The following PDXK variants were observed in gnomAD, a reference collection of about 807,000 sequenced individuals.
The protein encoded by PDXK is epididymis secretory sperm binding protein Li 1a.
A neutral mutation model predicts 43.2 loss-of-function variants in PDXK; 15 were observed. The observed-to-expected ratio is 0.35, with a 90% CI of 0.23 to 0.53. PDXK has a LOEUF of 0.53. Among genes scored for constraint, PDXK ranks in the 20% least tolerant of loss-of-function variants. The pLI, the probability that PDXK is intolerant of heterozygous loss-of-function variation, is 0.92. For missense variants in PDXK, 343 were observed against 417.0 expected (o/e 0.82, Z 1.54); for synonymous variants, 172 against 165.4 (o/e 1.04, Z -0.31).
chr21:43,725,826 A>G (rs941080063), intron 1 of PDXK, among the ~76,000 whole-genome samples: 14 of 152,026 alleles, frequency 9.2e-5, no homozygotes, highest in Non-Finnish European at 1.0e-4. Context: ...AAAAAAAAAG[A>G]AAAGGAAAGG....
chr21:43,729,252 T>C (rs6518318), intron 1 of PDXK, among the ~76,000 whole-genome samples: 103,958 of 152,240 alleles, frequency 0.68, 35,832 homozygotes, highest in South Asian at 0.77. Flanking sequence ...AGTGGGTTTG[T>C]CAGAGGCCGG....
In PDXK at chr21:43,746,162, G is replaced by A. The variant is rs778919717; in HGVS notation, c.378+37G>A. 5.2e-6 allele frequency: 8 copies of A among 1,542,592 alleles called. No homozygotes were observed. The African/African-American group carries it at 5.4e-5, about 10-fold the overall frequency. ...CACGTGTGTGATTTAAAAGTGTGGTGAGTGGAGCTATTCCTGTCCAGCCAG... is the reference window on the plus strand; with the variant it reads ...CACGTGTGTGATTTAAAAGTGTGGTAAGTGGAGCTATTCCTGTCCAGCCAG... On this transcript the variant is annotated intron_variant, in intron 5 of 10. Transcript: ENST00000291565.
Position 43,737,098 on chromosome 21 carries a change from C to G in PDXK, c.142+2975C>G. 1 of 936,622 alleles carries G rather than the reference C, an allele frequency of 1.1e-6. No homozygotes were observed. 58.0% of individuals were successfully genotyped at this position (936,622 alleles called of 1,614,324 possible). A position where few individuals can be genotyped will look rare whatever the true frequency, so the allele number is the denominator to read the frequency against. The stretch of plus-strand genomic sequence containing the variant: ...TAGTTGTGCACCAGCACGCCCACCT[C>G]CTGCCCAGGGTTGTTACTGGGGTGG... On this transcript the variant is annotated intron_variant, in intron 2 of 10. Coordinates refer to ENST00000291565, the MANE Select transcript of PDXK (RefSeq NM_003681.5). This position sits in a 1 kb window ranked among gnomAD's most constrained non-coding sequence, Gnocchi z 4.8.
chr21:43,736,985 C>T (rs1233417706), intron 2 of PDXK: 8 of 701,260 alleles, frequency 1.1e-5, no homozygotes, highest in African/African-American at 3.5e-5. Flanking sequence ...CCCAGGCTGG[C>T]GTGAAGTGGC....
chr21:43,747,568 TC>T (rs1018597787), intron 5 of PDXK, among the ~76,000 whole-genome samples: 27 of 152,334 alleles, frequency 1.8e-4, no homozygotes, highest in Admixed American at 1.8e-3. Context: ...CCATGCTTGT[TC>T]TCTGGAAGGT....
intron 2 of PDXK, 68 bp from the exon 3 acceptor site, chr21:43,741,599 T>C (rs768742639): frequency 3.8e-6 from 6 of 1,587,524 alleles, no homozygotes; most frequent in Non-Finnish European, 5.1e-6. Context: ...TGGGCGGGTG[T>C]CAAGGGAAGC....
chr21:43,726,221 A>T (rs1478984745), intron 1 of PDXK, among the ~76,000 whole-genome samples: 2 of 150,864 alleles, frequency 1.3e-5, no homozygotes, highest in African/African-American at 4.9e-5. Flanking sequence ...TTTGGCTGTC[A>T]TGGAGAAAAA....
chr21:43,753,592 C>A lies in PDXK; in HGVS notation c.632C>A (p.Ala211Asp), dbSNP rs2083793649. ...VLGSQRRRNP[A>D]GSVVMERIRM... ...CATCTTCTCCCCCTAGGGAATCCCG[C>A]TGGCTCCGTGGTGATGGAACGCATC... Residue 211 changes from alanine (A) to aspartate (D), a missense_variant, in exon 9 of 11, where the codon GCT becomes GAT. Physicochemically the swap from Ala to Asp is moderately radical, Grantham distance 126. Transcript: ENST00000291565. The A allele has an allele frequency of 6.2e-7, 1 of 1,611,846 alleles. No individual in the cohort carries two copies. The highest frequency in any genetic ancestry group is 1.3e-5 in the African/African-American group (1 of 74,900).
chr21:43,741,166 G>A (rs1253735617), intron 2 of PDXK: 9 of 526 alleles, frequency 0.017, 1 homozygote, highest in South Asian at 0.1. Flanking sequence ...GGGGCTCGCG[G>A]GGGGGCTCGC....
intron 3 of PDXK, 167 bp from the exon 4 acceptor site, chr21:43,743,557 C>T: frequency 2.2e-6 from 1 of 445,278 alleles, no homozygotes. Flanking sequence ...CCTGCACCCA[C>T]CTCCCTCCCC....
intron 1 of PDXK, chr21:43,733,636 G>A: frequency 9.5e-7 from 1 of 1,055,174 alleles, no homozygotes; most frequent in South Asian, 3.0e-5. Flanking sequence ...TCTTCCAAGG[G>A]GTGGGGTAGA....
chr21:43,740,798 T>C (rs2083485944), intron 2 of PDXK, among the ~76,000 whole-genome samples: 1 of 151,760 alleles, frequency 6.6e-6, no homozygotes, highest in Non-Finnish European at 1.5e-5. Context: ...GCTCAGGAGT[T>C]GATCTAAGAC....
chr21:43,740,920 G>A (rs1263758027), intron 2 of PDXK: 2 of 147,078 alleles, frequency 1.4e-5, no homozygotes, highest in Admixed American at 6.8e-5. Flanking sequence ...CGAGCACCCC[G>A]GCCTGAATAG....
intron 4 of PDXK, chr21:43,745,777 G>A (rs911697602): frequency 3.0e-5 from 11 of 362,416 alleles, no homozygotes; most frequent in Non-Finnish European, 4.6e-5. Context: ...TGAGAGGATC[G>A]CTTAAGCCTA....
intron 2 of PDXK, 22 bp from the exon 3 acceptor site, chr21:43,741,645 C>T (rs1208481127): frequency 6.2e-6 from 10 of 1,605,502 alleles, no homozygotes; most frequent in Non-Finnish European, 8.5e-6. Flanking sequence ...GTCTGAGCCC[C>T]CATGGCTTCC....
rs570683640 is a variant in PDXK at position 43,754,893 on chromosome 21, T to G, written c.760-805T>G. On this transcript the variant is annotated intron_variant, in intron 9 of 10. Coordinates refer to ENST00000291565, the MANE Select transcript of PDXK (RefSeq NM_003681.5). The surrounding 1 kb of genome is among the most constrained non-coding windows in gnomAD (Gnocchi z 5.5). ...GTCCTGGTGTGTAAAATGGAAGAGG[T>G]GGACTGAGGCCCTTTGCCTCCCATG... Among the ~76,000 whole-genome samples the G allele has an allele frequency of 1.3e-5, 2 of 150,222 alleles. No individual in the cohort carries two copies. Among genetic ancestry groups the G allele is most frequent in the East Asian group, 4.0e-4 (2 of 5,006 alleles).
chr21:43,720,575 T>C (rs181829536), intron 1 of PDXK, among the ~76,000 whole-genome samples: 3 of 152,294 alleles, frequency 2.0e-5, no homozygotes, highest in African/African-American at 7.2e-5. Flanking sequence ...CTTGAGACCC[T>C]GTTCCATCCA....
intron 1 of PDXK, among the ~76,000 whole-genome samples, chr21:43,731,757 G>A (rs766241): frequency 0.061 from 9,307 of 151,876 alleles, 567 homozygotes; most frequent in African/African-American, 0.16. Context: ...GTATCAGGCA[G>A]GGTCCAGTCC....
At chr21:43,750,442 C>T (rs1273462817) in intron 6 of PDXK, 58 bp from the exon 7 acceptor site, 1 of 1,473,660 alleles carries the variant, frequency 6.8e-7, no homozygotes, top group Non-Finnish European at 9.4e-7. Context: ...TGTCAACACA[C>T]AACCCGGAGA....
Sources: allele counts gnomAD v4.1 joint callset (sites outside exome capture counted in the v4.1 genomes callset), GRCh38; gene constraint gnomAD v4.1.1; non-coding constraint Gnocchi (gnomAD v3.1); transcripts MANE v1.5; gene names NCBI Gene and HGNC (gene_info 2026-07-23, HGNC 2026-07-21).